Variants in KIF4A observed in about 807,000 individuals in gnomAD.
The protein encoded by KIF4A is kinesin family member 4A, also known as chromosome-associated kinesin KIF4A.
Under a neutral mutation model 105.9 loss-of-function variants are expected in KIF4A, and 7 were observed. The ratio of observed to expected loss-of-function variants is 0.07; its 90% CI spans 0.04 to 0.12. The LOEUF is 0.12. Ranked by LOEUF, KIF4A falls within the 10% of genes least tolerant of loss-of-function variation. The pLI is 1.00. For synonymous variants in KIF4A, 281 were observed against 331.3 expected (o/e 0.85, Z 1.65); for missense variants, 558 against 929.2 (o/e 0.60, Z 5.19).
At chrX:70,399,497 T>G (rs12391952) in intron 22 of KIF4A, among the ~76,000 whole-genome samples, 2 of 110,402 alleles carry the variant, frequency 1.8e-5, no homozygotes, top group Admixed American at 1.9e-4. Flanking sequence ...AGTGTGATTT[T>G]AAAAATATAT....
intron 2 of KIF4A, 24 bp downstream of exon 2, chrX:70,290,602 G>T (rs780572606): frequency 4.1e-6 from 5 of 1,208,017 alleles, no homozygotes; most frequent in Non-Finnish European, 5.6e-6. Flanking sequence ...TCCAGAGCCT[G>T]TGTCTGAACA....
chrX:70,296,902 T>G, intron 3 of KIF4A, 96 bp from the exon 4 acceptor site: 1 of 939,352 alleles, frequency 1.1e-6, no homozygotes, highest in Non-Finnish European at 1.5e-6. Context: ...GAGAGCAATC[T>G]CAGTTTTATT....
At chrX:70,314,564 A>G (rs2085862650) in intron 7 of KIF4A, among the ~76,000 whole-genome samples, 1 of 112,062 alleles carries the variant, frequency 8.9e-6, no homozygotes, top group Non-Finnish European at 1.9e-5. Flanking sequence ...AGAAAAATCC[A>G]GGAAGAAATC....
At chrX:70,394,536 T>C (rs2147733765) in intron 20 of KIF4A, among the ~76,000 whole-genome samples, 1 of 111,789 alleles carries the variant, frequency 8.9e-6, no homozygotes, top group African/African-American at 3.2e-5. Flanking sequence ...ACAACTTAAT[T>C]GGGGTGTTTA....
chrX:70,312,293 C>T (rs965790858), intron 7 of KIF4A, among the ~76,000 whole-genome samples: 1 of 109,470 alleles, frequency 9.1e-6, no homozygotes, highest in Non-Finnish European at 1.9e-5. Context: ...TACAGGCACA[C>T]GCCACCACGT....
rs764581566 is a variant in KIF4A at position 70,420,168 on chromosome X, A to G, written c.3602A>G (p.Gln1201Arg). 40 of 1,209,066 alleles carry G rather than the reference A, an allele frequency of 3.3e-5. No individual in the cohort carries two copies. The highest frequency in any genetic ancestry group is 4.5e-5 in the Non-Finnish European group (40 of 895,011). The change falls in exon 31 of 31, where the codon CAA (glutamine) becomes CGA (arginine). Residue 1201 changes from glutamine to arginine, a missense_variant. This residue lies in a region of KIF4A where 469 missense variants were observed against 680.4 expected (regional missense o/e 0.69). Coordinates refer to ENST00000374403, the MANE Select transcript of KIF4A (RefSeq NM_012310.5). ...PELKHVATEY[Q>R]ENKAPGKKKK... Reference sequence around the variant, plus strand: ...TTGAAACATGTAGCAACAGAATACCAAGAAAACAAGGCTCCAGGGAAGAAA... The same window carrying G: ...TTGAAACATGTAGCAACAGAATACCGAGAAAACAAGGCTCCAGGGAAGAAA...
At chrX:70,413,677 A>T (rs2086331963) in intron 28 of KIF4A, among the ~76,000 whole-genome samples, 1 of 109,120 alleles carries the variant, frequency 9.2e-6, no homozygotes, top group Admixed American at 9.9e-5. Flanking sequence ...ACGGTGGCTC[A>T]TGCCTGTAAT....
intron 18 of KIF4A, among the ~76,000 whole-genome samples, chrX:70,378,336 G>A (rs2147724416): frequency 9.0e-6 from 1 of 110,820 alleles, no homozygotes; most frequent in South Asian, 3.8e-4. Flanking sequence ...ATTGAAGAAA[G>A]ATCTTAAACC....
intron 29 of KIF4A, 73 bp from the exon 30 acceptor site, chrX:70,419,588 G>A (rs1569256201): frequency 3.4e-6 from 4 of 1,165,018 alleles, no homozygotes; most frequent in East Asian, 3.0e-5. Context: ...TACCTCTTTG[G>A]TTGAATGGGA....
At chrX:70,357,242 A>G (rs1480094696) in intron 15 of KIF4A, among the ~76,000 whole-genome samples, 1 of 111,679 alleles carries the variant, frequency 9.0e-6, no homozygotes, top group African/African-American at 3.3e-5. Flanking sequence ...TGAACCCAGG[A>G]GGCGGAGCTT....
At chrX:70,392,855 AATAATT>A (rs1266815924) in intron 20 of KIF4A, among the ~76,000 whole-genome samples, 13 of 102,918 alleles carry the variant, frequency 1.3e-4, no homozygotes, top group African/African-American at 4.1e-4. Context: ...TAATAATAAT[AATAATT>A]ATTATTATTA....
intron 7 of KIF4A, among the ~76,000 whole-genome samples, chrX:70,313,019 C>G (rs1302161353): frequency 9.0e-6 from 1 of 111,400 alleles, no homozygotes; most frequent in Non-Finnish European, 1.9e-5. Flanking sequence ...AGTGTATTTT[C>G]TCTTGGGTGT....
chrX:70,397,407 G>A, intron 22 of KIF4A, among the ~76,000 whole-genome samples: 1 of 110,815 alleles, frequency 9.0e-6, no homozygotes, highest in Non-Finnish European at 1.9e-5. Flanking sequence ...GAAAGGAAAG[G>A]AAAGGAAGGA....
At chrX:70,311,931 GC>G (rs2085851371) in intron 7 of KIF4A, among the ~76,000 whole-genome samples, 1 of 104,578 alleles carries the variant, frequency 9.6e-6, no homozygotes, top group Non-Finnish European at 1.9e-5. Flanking sequence ...TCCAGCCTAG[GC>G]CATAGAGTGG....
chrX:70,403,364 T>C (rs1248815870), intron 23 of KIF4A, among the ~76,000 whole-genome samples: 2 of 112,337 alleles, frequency 1.8e-5, no homozygotes, highest in Non-Finnish European at 3.8e-5. Context: ...TCTGGGCTAG[T>C]AGTGAATGTA....
At chrX:70,291,549 A>C (rs1251749761) in intron 3 of KIF4A, among the ~76,000 whole-genome samples, 1 of 111,755 alleles carries the variant, frequency 8.9e-6, no homozygotes, top group Non-Finnish European at 1.9e-5. Flanking sequence ...GTTGAGGACC[A>C]TAGCAGGGTT....
chrX:70,339,097 A>G (rs755403818), intron 10 of KIF4A, among the ~76,000 whole-genome samples: 2 of 109,557 alleles, frequency 1.8e-5, no homozygotes, highest in South Asian at 3.9e-4. Flanking sequence ...AAAAAAAAAA[A>G]AAAAGAAAAA....
At chrX:70,293,637 A>G (rs1327218884) in intron 3 of KIF4A, among the ~76,000 whole-genome samples, 1 of 112,505 alleles carries the variant, frequency 8.9e-6, no homozygotes, top group Non-Finnish European at 1.9e-5. Context: ...TACTGCTCCT[A>G]GGCTACAAAC....
chrX:70,317,664 C>T (rs1418130865), intron 7 of KIF4A, among the ~76,000 whole-genome samples: 4 of 107,115 alleles, frequency 3.7e-5, no homozygotes, highest in African/African-American at 1.4e-4. Flanking sequence ...CCCTCCTTAG[C>T]CTCCTGAGTA....
Sources: allele counts gnomAD v4.1 joint callset (sites outside exome capture counted in the v4.1 genomes callset), GRCh38; gene constraint gnomAD v4.1.1; regional missense constraint gnomAD v4.1.1; transcripts MANE v1.5; gene names NCBI Gene and HGNC (gene_info 2026-07-23, HGNC 2026-07-21).